The following ZNF486 variants were observed in gnomAD, a reference collection of about 807,000 sequenced individuals.
ZNF486 encodes KRAB box only protein 2.
A neutral mutation model predicts 12.8 loss-of-function variants in ZNF486; 12 were observed. The observed-to-expected ratio is 0.94, with a 90% CI of 0.60 to 1.52. The LOEUF (loss-of-function observed/expected upper bound fraction) is 1.52, where lower values mean the gene tolerates loss of function less well. Among genes scored for constraint, ZNF486 ranks in the 40% most tolerant of loss-of-function variants. The pLI is 0.00. For missense variants in ZNF486, 738 were observed against 545.0 expected (o/e 1.35, Z -3.53); for synonymous variants, 231 against 184.9 (o/e 1.25, Z -2.02).
chr19:20,186,880 T>C (rs1393635774), intron 3 of ZNF486, among the ~76,000 whole-genome samples: 1 of 148,850 alleles, frequency 6.7e-6, no homozygotes, highest in Non-Finnish European at 1.5e-5. Flanking sequence ...GCCTCCTGGG[T>C]TCAAGCAATT....
intron 1 of ZNF486, among the ~76,000 whole-genome samples, chr19:20,180,139 A>G (rs1247108826): frequency 1.3e-5 from 2 of 152,192 alleles, no homozygotes; most frequent in Non-Finnish European, 2.9e-5. Context: ...GCATTTGAGG[A>G]TGTCCAGAGC....
intron 3 of ZNF486, among the ~76,000 whole-genome samples, chr19:20,189,991 G>A (rs782781157): frequency 8.7e-4 from 133 of 152,206 alleles, no homozygotes; most frequent in Middle Eastern, 6.8e-3. Context: ...ATCGTTCAAG[G>A]AAATAACCCA....
intron 1 of ZNF486, among the ~76,000 whole-genome samples, chr19:20,167,679 C>T (rs1186569517): frequency 6.6e-6 from 1 of 152,160 alleles, no homozygotes; most frequent in Admixed American, 6.5e-5. Context: ...AGAATCTTGA[C>T]TCGGGGTGCG....
Position 20,191,888 on chromosome 19 carries a change from CTATT to C in ZNF486, c.254-5071_254-5068del, listed in dbSNP as rs572808487. 6.6e-5 allele frequency among the ~76,000 whole-genome samples: 10 copies of C among 152,248 alleles called. No homozygotes were observed. The South Asian group carries it at 1.7e-3, about 25-fold the overall frequency. ...GTTTCTCATTTTTTCTCTGAATTTT[CTATT>C]TATTATTGCAAATGGGGTCTTGATG... On this transcript the variant is annotated intron_variant, in intron 3 of 3. Transcript: ENST00000335117.
chr19:20,178,891 CAT>C (rs532411172), intron 1 of ZNF486, among the ~76,000 whole-genome samples: 14 of 152,320 alleles, frequency 9.2e-5, no homozygotes, highest in South Asian at 4.1e-4. Context: ...GTTAGAGTAA[CAT>C]GTGTGCATTG....
At chr19:20,181,131 A>G (rs1555715477) in intron 1 of ZNF486, among the ~76,000 whole-genome samples, 2 of 152,110 alleles carry the variant, frequency 1.3e-5, no homozygotes, top group African/African-American at 4.8e-5. Flanking sequence ...GTCTGACCCT[A>G]CCCTGGAGTC....
At chr19:20,180,693 C>T (rs1387811631) in intron 1 of ZNF486, among the ~76,000 whole-genome samples, 1 of 152,182 alleles carries the variant, frequency 6.6e-6, no homozygotes, top group Non-Finnish European at 1.5e-5. Context: ...CCTGCCTCAG[C>T]CTCCAAAGTA....
chr19:20,188,705 TA>T (rs1489282399), intron 3 of ZNF486: 1 of 368,092 alleles, frequency 2.7e-6, no homozygotes. Flanking sequence ...CATTGTTATG[TA>T]AAATACTTCT....
Position 20,177,939 on chromosome 19 carries a change from T to C in ZNF486, c.31-6417T>C, listed in dbSNP as rs561838533. ...CTGGGGCTGTAAACATTTGTTCTTT[T>C]TTTTTGAGACGAAGTCTCTCATCCC... On this transcript the variant is annotated intron_variant, in intron 1 of 3. Transcript: ENST00000335117. Among the ~76,000 whole-genome samples, 38 of 151,992 alleles carry C rather than the reference T, an allele frequency of 2.5e-4. 1 individual carries two copies. The highest frequency in any genetic ancestry group is 2.4e-3 in the Admixed American group (37 of 15,282).
At chr19:20,196,832 G>T in intron 3 of ZNF486, 132 bp from the exon 4 acceptor site, 1 of 1,208,218 alleles carries the variant, frequency 8.3e-7, no homozygotes, top group Non-Finnish European at 1.1e-6. Flanking sequence ...TGTCCAGGAA[G>T]AAATTACAGC....
intron 1 of ZNF486, among the ~76,000 whole-genome samples, chr19:20,183,368 A>G (rs2089807079): frequency 6.6e-6 from 1 of 152,224 alleles, no homozygotes; most frequent in South Asian, 2.1e-4. Context: ...AATGGCATTT[A>G]TTATCCAGAA....
intron 2 of ZNF486, 88 bp from the exon 3 acceptor site, chr19:20,185,899 T>G: frequency 2.7e-6 from 2 of 730,470 alleles, no homozygotes; most frequent in South Asian, 1.0e-4. Context: ...ACTAGAATAT[T>G]TTATTACATT....
rs1410699632 is a variant in ZNF486, at chr19:20,197,227, A to G, written c.517A>G (p.Lys173Glu). The G allele has an allele frequency of 1.2e-6, 2 of 1,612,850 alleles. No homozygotes were observed. The highest frequency in any genetic ancestry group is 2.2e-5 in the East Asian group (1 of 44,868). The part of the protein sequence containing the change: ...FHQFSNSKRH[K>E]RRHTEKKPLK... ...TCAATTTTCAAATTCAAAGAGACAT[A>G]AAAGAAGACATACTGAAAAAAAACC... Residue 173 changes from lysine to glutamate, a missense_variant, in exon 4 of 4, where the codon AAA (lysine) becomes GAA (glutamate). Transcript: ENST00000335117.
chr19:20,196,230 G>T (rs1364373939), intron 3 of ZNF486, among the ~76,000 whole-genome samples: 3 of 152,104 alleles, frequency 2.0e-5, no homozygotes, highest in Non-Finnish European at 2.9e-5. Context: ...TGGTCAGGCT[G>T]GTCTCAAACT....
At position 20,198,980 on chromosome 19, in the gene ZNF486, C is replaced by G. The variant is rs1209397943; in HGVS notation, c.*878C>G. 4 of 151,078 alleles carry G rather than the reference C, an allele frequency of 2.6e-5. No homozygotes were observed. Among genetic ancestry groups the G allele is most frequent in the Non-Finnish European group, 4.4e-5 (3 of 68,024 alleles). The allele number at this position is 151,078 out of a possible 1,614,324, so 9.4% of individuals were successfully genotyped here. A position where few individuals can be genotyped will look rare whatever the true frequency, so the allele number is the denominator to read the frequency against. The stretch of plus-strand genomic sequence containing the variant: ...AGAAATGTATGAAATGTGACAAAGC[C>G]TTTATATGGTTGCCACACTTTATTG... On this transcript the variant is annotated 3_prime_UTR_variant, in exon 4 of 4. Coordinates refer to ENST00000335117, the MANE Select transcript of ZNF486 (RefSeq NM_052852.4).
intron 1 of ZNF486, among the ~76,000 whole-genome samples, chr19:20,168,668 A>G (rs2122617863): frequency 6.6e-6 from 1 of 151,994 alleles, no homozygotes. Context: ...AAAAAAAAAA[A>G]GTAAGAATCT....
At position 20,198,858 on chromosome 19, in the gene ZNF486, C is replaced by G. The variant is rs1555718513; in HGVS notation, c.*756C>G. 1 of 152,350 alleles carries G rather than the reference C, an allele frequency of 6.6e-6. No homozygotes were observed. The highest frequency in any genetic ancestry group is 1.9e-4 in the East Asian group (1 of 5,186). The allele number at this position is 152,350 out of a possible 1,614,324, so 9.4% of individuals were successfully genotyped here. A position where few individuals can be genotyped will look rare whatever the true frequency, so the allele number is the denominator to read the frequency against. ...ATTCTTAAGAGACATGGCGATAATT[C>G]ATGGTGAAGAGGAACTTTACAAACC... On this transcript the variant is annotated 3_prime_UTR_variant, in exon 4 of 4. Coordinates refer to ENST00000335117, the MANE Select transcript of ZNF486 (RefSeq NM_052852.4).
intron 3 of ZNF486, among the ~76,000 whole-genome samples, chr19:20,186,893 C>G (rs559609482): frequency 1.3e-5 from 2 of 148,200 alleles, no homozygotes; most frequent in South Asian, 4.4e-4. Flanking sequence ...AAGCAATTCT[C>G]TGCCTCAGCC....
At position 20,176,231 on chromosome 19, in the gene ZNF486, G is replaced by A. The variant is rs533705785; in HGVS notation, c.31-8125G>A. The A allele has an allele frequency of 4.6e-5, 9 of 194,066 alleles. No individual in the cohort carries two copies. The East Asian group carries it at 6.8e-4, about 15-fold the overall frequency. 12.0% of individuals were successfully genotyped at this position (194,066 alleles called of 1,614,324 possible). On this transcript the variant is annotated intron_variant, in intron 1 of 3. Coordinates refer to ENST00000335117, the MANE Select transcript of ZNF486 (RefSeq NM_052852.4). ...GCTCCCCACATCTCATACGATGGGCGGCCGGGCAGAGACGCTCCTTGCTTC... is the reference window on the plus strand; with the variant it reads ...GCTCCCCACATCTCATACGATGGGCAGCCGGGCAGAGACGCTCCTTGCTTC...
Sources: gnomAD v4.1 joint callset for allele counts (sites outside exome capture counted in the v4.1 genomes callset) on GRCh38, gnomAD v4.1.1 for gene constraint, MANE v1.5 for transcripts, NCBI Gene and HGNC (gene_info 2026-07-23, HGNC 2026-07-21) for gene names.